The following PLEKHG7 variants were observed in gnomAD, a reference collection of about 807,000 sequenced individuals.
The protein encoded by PLEKHG7 is pleckstrin homology domain-containing family G member 7.
In PLEKHG7, 77 loss-of-function variants were observed where a neutral mutation model predicts 85.2. That is an observed-to-expected ratio of 0.90 (90% CI 0.75 to 1.09). The LOEUF (loss-of-function observed/expected upper bound fraction) is 1.09. PLEKHG7 is among the 50% of genes least tolerant of loss of function. The pLI is 0.00. For synonymous variants in PLEKHG7, 301 were observed against 302.4 expected (o/e 1.00, Z 0.05); for missense variants, 777 against 804.3 (o/e 0.97, Z 0.41).
intron 15 of PLEKHG7, among the ~76,000 whole-genome samples, chr12:92,765,837 T>C (rs1190882676): frequency 6.6e-6 from 1 of 152,090 alleles, no homozygotes; most frequent in Admixed American, 6.5e-5. Context: ...TTACATATAT[T>C]AACCCATGAA....
At chr12:92,736,620 T>C in intron 6 of PLEKHG7, 43 bp downstream of exon 6, 1 of 1,169,416 alleles carries the variant, frequency 8.6e-7, no homozygotes, top group Non-Finnish European at 1.1e-6. Flanking sequence ...CTTTTTCTTT[T>C]CGTTTTTTGG....
Position 92,737,274 on chromosome 12 carries a change from C to T in PLEKHG7, c.796-104C>T, listed in dbSNP as rs555311439. 1.9e-4 allele frequency: 199 copies of T among 1,020,740 alleles called. No individual in the cohort carries two copies. In the African/African-American group the frequency reaches 2.7e-3, roughly 14 times the overall value. The allele number at this position is 1,020,740 out of a possible 1,614,324, so 63.2% of individuals were successfully genotyped here. ...GGTCTGAAGCAGGAAATCATGATTT[C>T]GGGGGTTGCTTGGTCCTTTGGAACT... is the stretch of plus-strand genomic sequence containing the variant. On this transcript the variant is annotated intron_variant, in intron 6 of 16. Transcript: ENST00000344636.
At chr12:92,704,812 A>C (rs1279177412) in intron 1 of PLEKHG7, among the ~76,000 whole-genome samples, 3 of 152,168 alleles carry the variant, frequency 2.0e-5, no homozygotes, top group South Asian at 2.1e-4. Context: ...TTCTAGGCTC[A>C]AGGGATCCTC....
rs778753740 is a variant in PLEKHG7 at position 92,756,308 on chromosome 12, A to C, written c.1553A>C (p.His518Pro). The C allele has an allele frequency of 6.2e-7, 1 of 1,608,752 alleles. No homozygotes were observed. The highest frequency in any genetic ancestry group is 8.5e-7 in the Non-Finnish European group (1 of 1,175,338). Residue 518 changes from histidine to proline, a missense_variant, in exon 13 of 17, where the codon CAC becomes CCC. His to Pro is a moderately conservative substitution (Grantham distance 77). Coordinates refer to ENST00000344636, the MANE Select transcript of PLEKHG7 (RefSeq NM_001377329.1). The stretch of plus-strand genomic sequence containing the variant: ...CGCTTGTTTTACAAGTGTTTGAAAC[A>C]CATTTTTAAAGAACACATGGCAGAA... ...KRFFIPECLKHIFKEHMAENI... is the reference protein window; with the variant it reads ...KRFFIPECLKPIFKEHMAENI...
chr12:92,708,928 C>T (rs536360631), intron 3 of PLEKHG7, among the ~76,000 whole-genome samples: 18 of 152,028 alleles, frequency 1.2e-4, no homozygotes, highest in Non-Finnish European at 2.5e-4. Context: ...TGTAAATCTT[C>T]CATACATGTG....
chr12:92,724,355 C>T (rs1237277996), intron 3 of PLEKHG7, among the ~76,000 whole-genome samples: 1 of 152,004 alleles, frequency 6.6e-6, no homozygotes, highest in East Asian at 1.9e-4. Flanking sequence ...ATGGAGTTGG[C>T]AAACAAAAAA....
intron 13 of PLEKHG7, among the ~76,000 whole-genome samples, chr12:92,758,426 A>G (rs991524536): frequency 6.6e-6 from 1 of 152,234 alleles, no homozygotes; most frequent in Non-Finnish European, 1.5e-5. Context: ...TGAGTGGTAG[A>G]GGGAGTGGGT....
chr12:92,718,477 A>G (rs904083751), intron 3 of PLEKHG7, among the ~76,000 whole-genome samples: 1 of 152,232 alleles, frequency 6.6e-6, no homozygotes, highest in Non-Finnish European at 1.5e-5. Flanking sequence ...CCCGGTACCT[A>G]GAACACTGCC....
Position 92,745,474 on chromosome 12 carries a change from G to T in PLEKHG7, c.1138-4G>T. ...ATCCTCCTTCTGCTCTTCCTTTCTT[G>T]CAGTATTTCCGAGGGAGTCTCTGTC... On this transcript the variant is annotated splice_polypyrimidine_tract_variant and splice_region_variant and intron_variant, in intron 9 of 16. Coordinates refer to ENST00000344636, the MANE Select transcript of PLEKHG7 (RefSeq NM_001377329.1). 4 of 1,591,972 alleles carry T rather than the reference G, an allele frequency of 2.5e-6. No individual in the cohort carries two copies. The highest frequency in any genetic ancestry group is 3.4e-6 in the Non-Finnish European group (4 of 1,160,112).
intron 10 of PLEKHG7, among the ~76,000 whole-genome samples, chr12:92,752,515 G>T (rs1303534663): frequency 1.3e-5 from 2 of 152,120 alleles, no homozygotes; most frequent in African/African-American, 4.8e-5. Context: ...TGAGCTAATT[G>T]TACCTAGATC....
intron 10 of PLEKHG7, among the ~76,000 whole-genome samples, chr12:92,752,943 C>T (rs1229641686): frequency 6.6e-6 from 1 of 152,078 alleles, no homozygotes; most frequent in East Asian, 1.9e-4. Flanking sequence ...GAGAGCTCTC[C>T]GGGACCCCTT....
intron 3 of PLEKHG7, among the ~76,000 whole-genome samples, chr12:92,727,973 T>TAC (rs1871871284): frequency 6.8e-6 from 1 of 147,860 alleles, no homozygotes; most frequent in African/African-American, 2.5e-5. Context: ...TATATATATA[T>TAC]ATACACATAT....
intron 8 of PLEKHG7, 80 bp downstream of exon 8, chr12:92,741,028 T>C: frequency 6.0e-6 from 6 of 997,474 alleles, no homozygotes; most frequent in Non-Finnish European, 9.3e-6. Context: ...TCTTATGGCT[T>C]GTATGCCATA....
chr12:92,762,074 G>GA (rs1405298176), intron 14 of PLEKHG7, among the ~76,000 whole-genome samples: 1 of 152,054 alleles, frequency 6.6e-6, no homozygotes, highest in African/African-American at 2.4e-5. Context: ...GTCAAAAGAG[G>GA]AATACATTTT....
rs761131404 is a variant in PLEKHG7 at position 92,745,512 on chromosome 12, C to A, written c.1172C>A (p.Thr391Asn). The change falls in exon 10 of 17, where the codon ACC (threonine) becomes AAC (asparagine). Residue 391 changes from threonine (T) to asparagine (N), a missense_variant. Physicochemically the swap from Thr to Asn is moderately conservative, Grantham distance 65. Around this residue, in one of 3 missense-constraint regions of PLEKHG7, gnomAD observed 520 missense variants for 544.0 expected, o/e 0.96. Coordinates refer to ENST00000344636, the MANE Select transcript of PLEKHG7 (RefSeq NM_001377329.1). ...GGGAGTCTCTGTCAGAGCCACCAGA[C>A]CTACTGCCTGAACTATTCAGCTGCT... ...FRGSLCQSHQ[T>N]YCLNYSAAIF... 5.0e-6 allele frequency: 8 copies of A among 1,613,800 alleles called. No homozygotes were observed. Among genetic ancestry groups the A allele is most frequent in the Middle Eastern group, 1.6e-4 (1 of 6,076 alleles).
At chr12:92,768,831 TA>T (rs1043480506) in intron 15 of PLEKHG7, 151 bp from the exon 16 acceptor site, 128 of 521,108 alleles carry the variant, frequency 2.5e-4, no homozygotes, top group Middle Eastern at 5.1e-4. Flanking sequence ...AAATAAAATT[TA>T]AAAAAAAATT....
chr12:92,713,211 G>A (rs1871398658), intron 3 of PLEKHG7, among the ~76,000 whole-genome samples: 1 of 152,200 alleles, frequency 6.6e-6, no homozygotes, highest in South Asian at 2.1e-4. Flanking sequence ...TATTCAAGGG[G>A]TTCTGGGTTT....
In PLEKHG7 at chr12:92,764,112, G is replaced by A. The variant is rs1873115500; in HGVS notation, c.1788G>A (p.Glu596=). 1.9e-6 allele frequency: 3 copies of A among 1,613,192 alleles called. No homozygotes were observed. Among genetic ancestry groups the A allele is most frequent in the Non-Finnish European group, 1.7e-6 (2 of 1,179,466 alleles). The change falls in exon 15 of 17, where the codon GAG becomes GAA. Residue 596 remains glutamate (E), a synonymous_variant. Coordinates refer to ENST00000344636, the MANE Select transcript of PLEKHG7 (RefSeq NM_001377329.1). ...CTGAGTTGCAAGCAGTAATAAAAGA[G>A]GGTGGTTCGTGTACAGTACTCGATC... ...LTPELQAVIK[E]GGSCTVLDQP...
intron 7 of PLEKHG7, 46 bp downstream of exon 7, chr12:92,737,567 GT>G (rs1262314695): frequency 1.3e-6 from 2 of 1,562,946 alleles, no homozygotes; most frequent in South Asian, 1.2e-5. Flanking sequence ...ATATTAATTT[GT>G]TTTTTTGGGC....
Sources: gnomAD v4.1 joint callset for allele counts (sites outside exome capture counted in the v4.1 genomes callset) on GRCh38, gnomAD v4.1.1 for gene constraint, gnomAD v4.1.1 regional missense constraint, MANE v1.5 for transcripts, NCBI Gene and HGNC (gene_info 2026-07-23, HGNC 2026-07-21) for gene names.